The following GRIN2A variants were observed in gnomAD, a reference collection of about 807,000 sequenced individuals.
The protein encoded by GRIN2A is glutamate receptor ionotropic, NMDA 2A.
GRIN2A carries 22 observed loss-of-function variants against 113.4 expected under a neutral mutation model. That is an observed-to-expected ratio of 0.19 (90% confidence interval 0.14 to 0.28). The LOEUF (loss-of-function observed/expected upper bound fraction) is 0.28, where lower values mean the gene tolerates loss of function less well. GRIN2A is among the 10% of genes least tolerant of loss of function. GRIN2A has a pLI of 1.00. For synonymous variants in GRIN2A, 827 were observed against 738.4 expected (o/e 1.12, Z -1.94); for missense variants, 1,502 against 1,887.0 (o/e 0.80, Z 3.78).
chr16:10,156,061 G>T (rs1305187836), intron 2 of GRIN2A, among the ~76,000 whole-genome samples: 1 of 152,200 alleles, frequency 6.6e-6, no homozygotes, highest in African/African-American at 2.4e-5. Flanking sequence ...CGATGAAAAG[G>T]GTGATCTAGC....
chr16:9,756,912 G>T lies in GRIN2A; in HGVS notation c.*6237C>A, dbSNP rs1222087114. 2 of 186,908 alleles carry T rather than the reference G, an allele frequency of 1.1e-5. No homozygotes were observed. The highest frequency in any genetic ancestry group is 4.7e-5 in the African/African-American group (2 of 42,764). 11.6% of individuals were successfully genotyped at this position (186,908 alleles called of 1,614,324 possible). On this transcript the variant is annotated 3_prime_UTR_variant, in exon 13 of 13. Coordinates refer to ENST00000330684, the MANE Select transcript of GRIN2A (RefSeq NM_001134407.3). The stretch of plus-strand genomic sequence containing the variant: ...GCCCCGTTTTCTCTCTAGGGAACCT[G>T]ATGCTTTCTGTCAGCCACAGCAGTA...
intron 11 of GRIN2A, among the ~76,000 whole-genome samples, chr16:9,784,918 A>C (rs7191549): frequency 6.6e-6 from 1 of 151,828 alleles, no homozygotes; most frequent in African/African-American, 2.4e-5. Context: ...TTAGAATGGC[A>C]ATCATTAAAA....
At chr16:9,901,017 G>A (rs759107120) in intron 3 of GRIN2A, among the ~76,000 whole-genome samples, 10 of 152,206 alleles carry the variant, frequency 6.6e-5, no homozygotes, top group Non-Finnish European at 1.2e-4. Flanking sequence ...AGAATGAGAT[G>A]ATATGGATCA....
intron 2 of GRIN2A, among the ~76,000 whole-genome samples, chr16:10,061,284 A>T (rs1196850706): frequency 1.3e-5 from 2 of 152,306 alleles, no homozygotes; most frequent in Middle Eastern, 3.4e-3. Flanking sequence ...ATCTATGAGG[A>T]CACCATGAAG....
At chr16:10,046,966 A>G (rs1451309468) in intron 2 of GRIN2A, among the ~76,000 whole-genome samples, 1 of 152,108 alleles carries the variant, frequency 6.6e-6, no homozygotes, top group Non-Finnish European at 1.5e-5. Flanking sequence ...TTCTGTGTGG[A>G]AGGAAGCTGT....
intron 2 of GRIN2A, among the ~76,000 whole-genome samples, chr16:10,041,554 G>T (rs2047166850): frequency 1.3e-5 from 2 of 152,094 alleles, no homozygotes; most frequent in African/African-American, 4.8e-5. Context: ...TCTGAGTGGG[G>T]CCTCTTCCTA....
At chr16:9,853,362 G>C (rs1003765151) in intron 4 of GRIN2A, among the ~76,000 whole-genome samples, 4 of 152,198 alleles carry the variant, frequency 2.6e-5, no homozygotes, top group African/African-American at 4.8e-5. Context: ...ATTAGGTCAT[G>C]AAGGTGGAGC....
At chr16:9,871,912 G>A (rs2043269203) in intron 4 of GRIN2A, among the ~76,000 whole-genome samples, 1 of 152,162 alleles carries the variant, frequency 6.6e-6, no homozygotes, top group South Asian at 2.1e-4. Context: ...GCAGAAGTTA[G>A]TAGTCAAAGC....
At chr16:10,077,813 C>T (rs897794971) in intron 2 of GRIN2A, among the ~76,000 whole-genome samples, 2 of 152,178 alleles carry the variant, frequency 1.3e-5, no homozygotes, top group African/African-American at 4.8e-5. Context: ...TAGCCCACTC[C>T]CTTTGAAGCC....
At chr16:9,780,212 C>T (rs1228393806) in intron 11 of GRIN2A, among the ~76,000 whole-genome samples, 1 of 152,212 alleles carries the variant, frequency 6.6e-6, no homozygotes, top group African/African-American at 2.4e-5. Flanking sequence ...AAAGTATCTA[C>T]TAAAGTTGAG....
In GRIN2A at chr16:9,777,076, C is replaced by T. The variant is rs146515259; in HGVS notation, c.2357-7987G>A. ...TCAGCTAGACCATCTGAGCTTTGAC[C>T]TTGAGGGCCCAACTTCATTAATTCC... On this transcript the variant is annotated intron_variant, in intron 11 of 12. Transcript: ENST00000330684. 5.0e-3 allele frequency among the ~76,000 whole-genome samples: 759 copies of T among 152,232 alleles called. 6 individuals carry two copies. Among genetic ancestry groups the T allele is most frequent in the African/African-American group, 0.017 (719 of 41,518 alleles).
rs117490483 is a variant in GRIN2A at position 10,008,559 on chromosome 16, T to C, written c.415-70008A>G. Among the ~76,000 whole-genome samples the C allele has an allele frequency of 1.4e-3, 216 of 152,276 alleles. 4 individuals are homozygous for C. The East Asian group carries it at 0.038, about 27-fold the overall frequency. On this transcript the variant is annotated intron_variant, in intron 2 of 12. Coordinates refer to ENST00000330684, the MANE Select transcript of GRIN2A (RefSeq NM_001134407.3). The stretch of plus-strand genomic sequence containing the variant: ...TTCCCTGAGCATACAATAAACCAAC[T>C]AGGCAATGTTTACCCAAAACAGCAA...
At chr16:9,965,221 T>A (rs1238386806) in intron 2 of GRIN2A, among the ~76,000 whole-genome samples, 2 of 152,172 alleles carry the variant, frequency 1.3e-5, no homozygotes, top group Non-Finnish European at 2.9e-5. Context: ...TGTTTCAGCA[T>A]CTCCATACCA....
At position 10,036,449 on chromosome 16, in the gene GRIN2A, C is replaced by CTTTTTTTTTTTTTTTT. The variant is rs369821921; in HGVS notation, c.415-97914_415-97899dup. 3.8e-3 allele frequency among the ~76,000 whole-genome samples: 176 copies of CTTTTTTTTTTTTTTTT among 45,974 alleles called. 8 individuals carry two copies. The highest frequency in any genetic ancestry group is 4.4e-3 in the Non-Finnish European group (119 of 27,088). The allele number at this position is 45,974 out of a possible 152,430, so 30.2% of individuals were successfully genotyped here. ...ATATTAGTACTTACTTTTTTTTTTT[C>CTTTTTTTTTTTTTTTT]TTTTTTTTTTTTTTTTTTTTTTTTT... On this transcript the variant is annotated intron_variant, in intron 2 of 12. Transcript: ENST00000330684.
intron 11 of GRIN2A, among the ~76,000 whole-genome samples, chr16:9,785,167 T>C (rs1696080986): frequency 6.6e-6 from 1 of 152,006 alleles, no homozygotes; most frequent in South Asian, 2.1e-4. Flanking sequence ...CTATTCACAA[T>C]AGCAAAGACT....
At chr16:10,147,636 C>CAAA (rs35925963) in intron 2 of GRIN2A, among the ~76,000 whole-genome samples, 3 of 118,594 alleles carry the variant, frequency 2.5e-5, no homozygotes, top group Admixed American at 8.5e-5. Context: ...GGCCCTGTCT[C>CAAA]AAAAAAAAAA....
At chr16:9,951,417 C>T (rs1294917364) in intron 2 of GRIN2A, among the ~76,000 whole-genome samples, 2 of 152,218 alleles carry the variant, frequency 1.3e-5, no homozygotes, top group Non-Finnish European at 2.9e-5. Flanking sequence ...TTTAACAGAG[C>T]AACGCTAAAT....
chr16:10,151,792 G>T (rs1355258375), intron 2 of GRIN2A, among the ~76,000 whole-genome samples: 1 of 152,036 alleles, frequency 6.6e-6, no homozygotes. Flanking sequence ...GGCATTAAAG[G>T]CTCCCCAAGT....
At chr16:9,887,455 T>G (rs548355742) in intron 4 of GRIN2A, among the ~76,000 whole-genome samples, 4 of 152,320 alleles carry the variant, frequency 2.6e-5, no homozygotes, top group African/African-American at 9.6e-5. Flanking sequence ...CTTCACGTAA[T>G]ATAATCTTTC....
Sources: gnomAD v4.1 joint callset for allele counts (sites outside exome capture counted in the v4.1 genomes callset) on GRCh38, gnomAD v4.1.1 for gene constraint, MANE v1.5 for transcripts, NCBI Gene and HGNC (gene_info 2026-07-23, HGNC 2026-07-21) for gene names.